Variants in PTPRK observed in about 807,000 individuals in gnomAD.
PTPRK encodes receptor-type tyrosine-protein phosphatase kappa.
A neutral mutation model predicts 178.0 loss-of-function variants in PTPRK; 75 were observed. The observed-to-expected ratio is 0.42, with a 90% CI of 0.35 to 0.51. The LOEUF is 0.51. Ranked by LOEUF, PTPRK falls within the 20% of genes least tolerant of loss-of-function variation. The pLI is 0.02. For synonymous variants in PTPRK, 637 were observed against 620.6 expected (o/e 1.03, Z -0.39); for missense variants, 1,441 against 1,797.8 (o/e 0.80, Z 3.59).
At chr6:128,185,598 C>T (rs973566896) in intron 6 of PTPRK, among the ~76,000 whole-genome samples, 2 of 152,086 alleles carry the variant, frequency 1.3e-5, no homozygotes, top group Non-Finnish European at 2.9e-5. Context: ...TGGAACACTT[C>T]TCACTTTTCT....
At chr6:128,003,518 T>A (rs1194414855) in intron 15 of PTPRK, among the ~76,000 whole-genome samples, 1 of 151,824 alleles carries the variant, frequency 6.6e-6, no homozygotes, top group Non-Finnish European at 1.5e-5. Context: ...GTATTTTAGA[T>A]CTATCAAGTG....
chr6:128,131,970 A>G (rs1794313901), intron 7 of PTPRK, among the ~76,000 whole-genome samples: 1 of 152,152 alleles, frequency 6.6e-6, no homozygotes. Flanking sequence ...AGTCCCATTG[A>G]TGCACAAAAA....
chr6:128,172,476 C>A, intron 7 of PTPRK, among the ~76,000 whole-genome samples: 1 of 151,700 alleles, frequency 6.6e-6, no homozygotes, highest in South Asian at 2.1e-4. Flanking sequence ...GCTTCTGACT[C>A]AAGGGTTTAA....
rs531786995 is a variant in PTPRK at position 128,045,440 on chromosome 6, T to C, written c.2194+19318A>G. On this transcript the variant is annotated intron_variant, in intron 13 of 29. Coordinates refer to ENST00000368226, the MANE Select transcript of PTPRK (RefSeq NM_002844.4). ...AAAATTAATGTAAGATGTAATAAAA[T>C]TAAGAACTCAGGTAAAAGTTTTCTT... is the stretch of plus-strand genomic sequence containing the variant. Among the ~76,000 whole-genome samples the C allele has an allele frequency of 2.6e-5, 4 of 152,122 alleles. No homozygotes were observed. The South Asian group carries it at 8.3e-4, about 32-fold the overall frequency.
chr6:128,463,982 C>T (rs534525836), intron 1 of PTPRK, among the ~76,000 whole-genome samples: 137 of 151,526 alleles, frequency 9.0e-4, no homozygotes, highest in South Asian at 2.1e-3. Context: ...CTCGAACTCC[C>T]GACCTCAGGC....
chr6:128,408,125 C>T (rs376050282), intron 1 of PTPRK, among the ~76,000 whole-genome samples: 7 of 152,340 alleles, frequency 4.6e-5, no homozygotes, highest in Admixed American at 6.5e-5. Flanking sequence ...CAGTGGCTCA[C>T]GCCTGTAATC....
At chr6:128,000,519 C>T (rs1456498138) in intron 15 of PTPRK, among the ~76,000 whole-genome samples, 1 of 151,988 alleles carries the variant, frequency 6.6e-6, no homozygotes, top group Non-Finnish European at 1.5e-5. Context: ...CAAGTGAATT[C>T]ATGTCTTTTA....
intron 6 of PTPRK, among the ~76,000 whole-genome samples, chr6:128,188,211 T>C (rs1196252747): frequency 1.3e-5 from 2 of 152,174 alleles, no homozygotes; most frequent in Non-Finnish European, 2.9e-5. Flanking sequence ...GAACCTATTA[T>C]AAAACCCGAA....
At chr6:128,013,233 T>A (rs1779238572) in intron 13 of PTPRK, among the ~76,000 whole-genome samples, 1 of 151,386 alleles carries the variant, frequency 6.6e-6, no homozygotes, top group Non-Finnish European at 1.5e-5. Flanking sequence ...TGTTTGCTCA[T>A]CCCTTAAAAA....
At chr6:128,261,433 A>G (rs567318662) in intron 3 of PTPRK, among the ~76,000 whole-genome samples, 8 of 152,296 alleles carry the variant, frequency 5.3e-5, no homozygotes, top group Middle Eastern at 3.4e-3. Context: ...GTACATTGAC[A>G]GGTATATTTT....
chr6:128,003,150 A>C (rs768129511), intron 15 of PTPRK: 1 of 1,546,554 alleles, frequency 6.5e-7, no homozygotes, highest in Admixed American at 1.8e-5. Context: ...CCATGCAAGG[A>C]GGTGTGATCC....
At chr6:128,120,933 A>T (rs1465731304) in intron 7 of PTPRK, among the ~76,000 whole-genome samples, 2 of 151,970 alleles carry the variant, frequency 1.3e-5, no homozygotes, top group Non-Finnish European at 2.9e-5. Flanking sequence ...CCACTTCTGT[A>T]TATTACCTTT....
At chr6:128,382,503 G>A (rs1382267716) in intron 2 of PTPRK, among the ~76,000 whole-genome samples, 1 of 151,358 alleles carries the variant, frequency 6.6e-6, no homozygotes, top group African/African-American at 2.4e-5. Context: ...TGCCTCCCGG[G>A]TTCAAGAGAT....
chr6:128,302,500 G>A (rs1584024533), intron 3 of PTPRK, among the ~76,000 whole-genome samples: 1 of 151,110 alleles, frequency 6.6e-6, no homozygotes, highest in Admixed American at 6.6e-5. Flanking sequence ...ACATGCATTT[G>A]GAAGAAGTTA....
intron 5 of PTPRK, chr6:128,235,387 T>C (rs1813063454): frequency 1.0e-5 from 2 of 196,166 alleles, no homozygotes; most frequent in Non-Finnish European, 2.3e-5. Context: ...CTCAAGAATA[T>C]AACCAAATGC....
chr6:128,082,493 C>G lies in PTPRK; in HGVS notation c.1721G>C (p.Ser574Thr). The part of the protein sequence containing the change: ...GTTYQFFIRA[S>T]TVKGFGPATA... ...GGCTGGACCAAAGCCTTTGACCGTG[C>G]TGGCTCTTATGAAAAACTGGTACGT... is the stretch of plus-strand genomic sequence containing the variant. The change falls in exon 10 of 30, where the codon AGC (serine) becomes ACC (threonine). Residue 574 changes from serine (S) to threonine (T), a missense_variant. Ser to Thr is a moderately conservative substitution (Grantham distance 58, BLOSUM62 1). Around this residue, in one of 4 missense-constraint regions of PTPRK, gnomAD observed 945 missense variants for 1,080.6 expected, o/e 0.87. Coordinates refer to ENST00000368226, the MANE Select transcript of PTPRK (RefSeq NM_002844.4). 1 of 1,613,552 alleles carries G rather than the reference C, an allele frequency of 6.2e-7. No individual in the cohort carries two copies. Among genetic ancestry groups the G allele is most frequent in the Non-Finnish European group, 8.5e-7 (1 of 1,179,652 alleles).
At chr6:128,355,685 T>G (rs1222641522) in intron 2 of PTPRK, among the ~76,000 whole-genome samples, 1 of 152,168 alleles carries the variant, frequency 6.6e-6, no homozygotes, top group African/African-American at 2.4e-5. Flanking sequence ...TTAGGAGATA[T>G]ACCTAATGTT....
chr6:128,495,423 A>T (rs1854509907), intron 1 of PTPRK, among the ~76,000 whole-genome samples: 1 of 152,206 alleles, frequency 6.6e-6, no homozygotes. Flanking sequence ...GTAATATGCA[A>T]ATTTGTTTTT....
intron 2 of PTPRK, among the ~76,000 whole-genome samples, chr6:128,368,987 A>G (rs1216912149): frequency 1.3e-5 from 2 of 152,042 alleles, no homozygotes; most frequent in African/African-American, 4.8e-5. Flanking sequence ...AACAACAAAA[A>G]AATCACCCAA....
Sources: gnomAD v4.1 joint callset for allele counts (sites outside exome capture counted in the v4.1 genomes callset) on GRCh38, gnomAD v4.1.1 for gene constraint, gnomAD v4.1.1 regional missense constraint, MANE v1.5 for transcripts, NCBI Gene and HGNC (gene_info 2026-07-23, HGNC 2026-07-21) for gene names.